Variants in CALN1 observed in about 807,000 individuals in gnomAD.
The protein encoded by CALN1 is calcium-binding protein 8.
Under a neutral mutation model 30.6 loss-of-function variants are expected in CALN1, and 17 were observed. The ratio of observed to expected loss-of-function variants is 0.56; its 90% CI spans 0.38 to 0.83. The LOEUF (loss-of-function observed/expected upper bound fraction) is 0.83. Ranked by LOEUF, CALN1 falls within the 40% of genes least tolerant of loss-of-function variation. The probability of loss-of-function intolerance (pLI) is 0.00; values close to 1 mark genes in which losing one functional copy is unlikely to be tolerated. For missense variants in CALN1, 291 were observed against 354.9 expected (o/e 0.82, Z 1.45); for synonymous variants, 156 against 131.4 (o/e 1.19, Z -1.28).
intron 2 of CALN1, among the ~76,000 whole-genome samples, chr7:72,391,675 G>C (rs572828219): frequency 6.6e-6 from 1 of 152,068 alleles, no homozygotes; most frequent in Non-Finnish European, 1.5e-5. Flanking sequence ...AGATCTGATG[G>C]TTTAATAAAT....
chr7:72,105,773 AGG>A (rs1563062313), intron 4 of CALN1, among the ~76,000 whole-genome samples: 3 of 109,352 alleles, frequency 2.7e-5, no homozygotes, highest in Non-Finnish European at 5.3e-5. Context: ...AAGAAGAAGG[AGG>A]AGGAGGAGGA....
At chr7:72,423,248 T>G (rs2129563730) in intron 1 of CALN1, among the ~76,000 whole-genome samples, 1 of 152,362 alleles carries the variant, frequency 6.6e-6, no homozygotes, top group South Asian at 2.1e-4. Flanking sequence ...TTATTCCTTC[T>G]GATTTTTCTT....
chr7:72,250,322 T>G (rs912574553), intron 3 of CALN1, among the ~76,000 whole-genome samples: 1 of 152,176 alleles, frequency 6.6e-6, no homozygotes, highest in Admixed American at 6.5e-5. Flanking sequence ...CTGTGTGACC[T>G]TGAGGCAGTC....
intron 1 of CALN1, among the ~76,000 whole-genome samples, chr7:72,404,252 T>C (rs140585391): frequency 7.9e-5 from 12 of 152,270 alleles, no homozygotes; most frequent in African/African-American, 2.9e-4. Flanking sequence ...CCTCCCAACA[T>C]TGTGTTGAGA....
chr7:72,075,576 C>A (rs1202536069), intron 4 of CALN1, among the ~76,000 whole-genome samples: 2 of 152,184 alleles, frequency 1.3e-5, no homozygotes, highest in African/African-American at 2.4e-5. Flanking sequence ...TCAGTAAACA[C>A]TTTGTGGGAA....
At chr7:72,114,198 T>C (rs1807773545) in intron 3 of CALN1, among the ~76,000 whole-genome samples, 3 of 141,098 alleles carry the variant, frequency 2.1e-5, no homozygotes, top group South Asian at 4.5e-4. Flanking sequence ...TTGGTCAACA[T>C]GGTAAAACCC....
intron 3 of CALN1, among the ~76,000 whole-genome samples, chr7:72,181,526 T>G (rs1789808348): frequency 6.7e-6 from 1 of 149,046 alleles, no homozygotes. Context: ...TCACCCAGGC[T>G]GGAGTGCTAT....
At chr7:72,099,549 CT>C (rs1402516000) in intron 4 of CALN1, among the ~76,000 whole-genome samples, 1 of 151,826 alleles carries the variant, frequency 6.6e-6, no homozygotes, top group Non-Finnish European at 1.5e-5. Context: ...AACCTGGTAC[CT>C]GAGAAGTTTA....
chr7:71,912,183 G>A (rs890553969), intron 5 of CALN1, among the ~76,000 whole-genome samples: 1 of 152,064 alleles, frequency 6.6e-6, no homozygotes, highest in Non-Finnish European at 1.5e-5. Context: ...AGGCTTAAGT[G>A]GCCGGCCAAA....
chr7:72,458,761 T>C, the CALN1 span, among the ~76,000 whole-genome samples: 1 of 114,032 alleles, frequency 8.8e-6, no homozygotes, highest in South Asian at 2.4e-4. Context: ...TATAATATAT[T>C]CTATATTATA....
intron 4 of CALN1, among the ~76,000 whole-genome samples, chr7:72,079,143 C>G (rs183836582): frequency 6.6e-6 from 1 of 152,150 alleles, no homozygotes; most frequent in Non-Finnish European, 1.5e-5. Context: ...ATGCAAAGCT[C>G]ACAATGGCTG....
the CALN1 span, among the ~76,000 whole-genome samples, chr7:72,456,296 G>A: frequency 6.6e-6 from 1 of 152,142 alleles, no homozygotes; most frequent in Non-Finnish European, 1.5e-5. Context: ...GTCGAGGTGG[G>A]AGGATCACTC....
At chr7:72,129,337 G>A (rs1808979612) in intron 3 of CALN1, among the ~76,000 whole-genome samples, 1 of 152,098 alleles carries the variant, frequency 6.6e-6, no homozygotes, top group African/African-American at 2.4e-5. Context: ...GGTTATAAAT[G>A]CATACTTTAA....
chr7:72,217,915 T>G (rs1239484283), intron 3 of CALN1, among the ~76,000 whole-genome samples: 1 of 133,134 alleles, frequency 7.5e-6, no homozygotes, highest in East Asian at 2.4e-4. Context: ...CTATCTCGGC[T>G]CACTGCAAGC....
chr7:72,412,381 C>G (rs1807247085), upstream of CALN1: 1 of 152,204 alleles, frequency 6.6e-6, no homozygotes. Context: ...CTTATTCAGC[C>G]CTGCCCATGT....
chr7:72,327,722 G>A (rs1801377937), intron 2 of CALN1, among the ~76,000 whole-genome samples: 4 of 152,150 alleles, frequency 2.6e-5, no homozygotes, highest in Admixed American at 2.6e-4. Context: ...ATGTTTAAAT[G>A]TTCAGAAATA....
intron 5 of CALN1, among the ~76,000 whole-genome samples, chr7:71,860,727 C>G (rs927758801): frequency 5.3e-5 from 8 of 152,076 alleles, no homozygotes; most frequent in Non-Finnish European, 7.4e-5. Flanking sequence ...CCTTTAAGGC[C>G]ACGTACCACT....
intron 5 of CALN1, among the ~76,000 whole-genome samples, chr7:71,852,900 G>A (rs1790731958): frequency 6.6e-6 from 1 of 152,096 alleles, no homozygotes; most frequent in Non-Finnish European, 1.5e-5. Context: ...AACCTTTACA[G>A]GATTGTTTGT....
At chr7:71,909,173 C>T (rs1015774868) in intron 5 of CALN1, among the ~76,000 whole-genome samples, 3 of 152,084 alleles carry the variant, frequency 2.0e-5, no homozygotes, top group African/African-American at 4.8e-5. Context: ...GGCACCAACA[C>T]GCCCAGCTGA....
Sources: gnomAD v4.1 joint callset for allele counts (sites outside exome capture counted in the v4.1 genomes callset) on GRCh38, gnomAD v4.1.1 for gene constraint, MANE v1.5 for transcripts, NCBI Gene and HGNC (gene_info 2026-07-23, HGNC 2026-07-21) for gene names.